SLC45A4: variants seen among roughly 807,000 people sequenced by gnomAD.
SLC45A4 encodes the protein solute carrier family 45 member 4.
Under a neutral mutation model 63.7 loss-of-function variants are expected in SLC45A4, and 32 were observed. The observed-to-expected ratio is 0.50, with a 90% confidence interval of 0.38 to 0.67. The LOEUF (loss-of-function observed/expected upper bound fraction) is 0.67, where lower values mean the gene tolerates loss of function less well. Among genes scored for constraint, SLC45A4 ranks in the 30% least tolerant of loss-of-function variants. SLC45A4 has a pLI of 0.00. For missense variants in SLC45A4, 1,027 were observed against 1,157.7 expected, an observed-to-expected ratio of 0.89 and a Z score of 1.64; for synonymous variants, 535 against 510.0, an observed-to-expected ratio of 1.05 and a Z score of -0.66.
chr8:141,248,683 T>C (rs376753289), intron 2 of SLC45A4, among the ~76,000 whole-genome samples: 10 of 151,880 alleles, frequency 6.6e-5, no homozygotes, highest in East Asian at 3.9e-4. Context: ...CTGGGTGACA[T>C]AGCAAAACCT....
intron 1 of SLC45A4, among the ~76,000 whole-genome samples, chr8:141,295,909 G>A (rs1313805933): frequency 6.6e-6 from 1 of 152,228 alleles, no homozygotes. Flanking sequence ...TGGAGCCCTT[G>A]CCCCTCTGGC....
At chr8:141,285,355 A>G (rs1563674022) in intron 1 of SLC45A4, among the ~76,000 whole-genome samples, 1 of 152,218 alleles carries the variant, frequency 6.6e-6, no homozygotes, top group Non-Finnish European at 1.5e-5. Flanking sequence ...CCTACGTTGG[A>G]AGATAGGTGG....
rs1828761497 is a variant in SLC45A4 at position 141,256,043 on chromosome 8, C to T, written c.-400-1414G>A. Among the ~76,000 whole-genome samples, 1 of 152,178 alleles carries T rather than the reference C, an allele frequency of 6.6e-6. No individual in the cohort carries two copies. Among genetic ancestry groups the T allele is most frequent in the Admixed American group, 6.5e-5 (1 of 15,282 alleles). On this transcript the variant is annotated intron_variant, in intron 1 of 8. Transcript: ENST00000517878. The surrounding 1 kb of genome is among the most constrained non-coding windows in gnomAD (Gnocchi z 4.3). ...ATCACCCCAACCCTCGGCTTTCCAC[C>T]ACCCTGCCTCCAGTGACAAACCCAG...
chr8:141,233,077 G>T (rs1411630866), intron 2 of SLC45A4, among the ~76,000 whole-genome samples: 1 of 152,238 alleles, frequency 6.6e-6, no homozygotes, highest in Non-Finnish European at 1.5e-5. Flanking sequence ...AGTGCTAAGT[G>T]CGCGTTAACT....
At chr8:141,258,008 T>C (rs1255018594) in intron 1 of SLC45A4, among the ~76,000 whole-genome samples, 1 of 152,068 alleles carries the variant, frequency 6.6e-6, no homozygotes, top group Non-Finnish European at 1.5e-5. Context: ...TTTCCGGGAT[T>C]TCGGGCCACA....
chr8:141,231,353 A>G (rs1359979913), intron 2 of SLC45A4, among the ~76,000 whole-genome samples: 1 of 152,194 alleles, frequency 6.6e-6, no homozygotes, highest in Non-Finnish European at 1.5e-5. Flanking sequence ...GCCACGCTGC[A>G]AGTTGGTGGG....
intron 2 of SLC45A4, among the ~76,000 whole-genome samples, chr8:141,234,171 T>C (rs1827503328): frequency 6.6e-6 from 1 of 152,156 alleles, no homozygotes; most frequent in Non-Finnish European, 1.5e-5. Context: ...CTAATTCACA[T>C]CTCGTCCCTC....
intron 2 of SLC45A4, among the ~76,000 whole-genome samples, chr8:141,232,145 G>A (rs1676854946): frequency 6.6e-6 from 1 of 152,226 alleles, no homozygotes; most frequent in East Asian, 1.9e-4. Context: ...TATATCATCT[G>A]CCTAAGCTCA....
chr8:141,212,836 T>C (rs907863948), intron 7 of SLC45A4, among the ~76,000 whole-genome samples: 1 of 152,072 alleles, frequency 6.6e-6, no homozygotes, highest in Non-Finnish European at 1.5e-5. Context: ...TGGCCTCCAG[T>C]CTCAAGGAGA....
At chr8:141,275,182 A>G (rs1249194879) in intron 1 of SLC45A4, among the ~76,000 whole-genome samples, 1 of 152,216 alleles carries the variant, frequency 6.6e-6, no homozygotes, top group African/African-American at 2.4e-5. Context: ...GAGGAAAGTC[A>G]GTCTATAGTT....
intron 1 of SLC45A4, among the ~76,000 whole-genome samples, chr8:141,291,954 A>C (rs1247923891): frequency 6.6e-6 from 1 of 152,256 alleles, no homozygotes; most frequent in Non-Finnish European, 1.5e-5. Flanking sequence ...TTAGGTTCAA[A>C]GAAGCGGCTG....
chr8:141,252,038 G>GT (rs1487707906), intron 2 of SLC45A4, among the ~76,000 whole-genome samples: 1 of 147,670 alleles, frequency 6.8e-6, no homozygotes, highest in Non-Finnish European at 1.5e-5. Context: ...TATTATGTTT[G>GT]TATCAACAAA....
chr8:141,263,200 G>A (rs1458916209), intron 1 of SLC45A4, among the ~76,000 whole-genome samples: 16 of 123,700 alleles, frequency 1.3e-4, no homozygotes, highest in East Asian at 5.5e-4. Context: ...ACCGTCACAC[G>A]CCGGGGACTG....
Position 141,254,843 on chromosome 8 carries a change from A to G in SLC45A4, c.-400-214T>C. ...CTCATACGAAAGTGAATCCTGGGGAAGGACAAAGGTGGGGCAATCAAGGAA... is the reference window on the plus strand; with the variant it reads ...CTCATACGAAAGTGAATCCTGGGGAGGGACAAAGGTGGGGCAATCAAGGAA... On this transcript the variant is annotated intron_variant, in intron 1 of 8. Transcript: ENST00000517878. This position sits in a 1 kb window ranked among gnomAD's most constrained non-coding sequence, Gnocchi z 4.5. The G allele has an allele frequency of 2.1e-6, 1 of 466,240 alleles. No homozygotes were observed. Among genetic ancestry groups the G allele is most frequent in the Admixed American group, 2.8e-5 (1 of 36,088 alleles). The allele number at this position is 466,240 out of a possible 1,614,324, so 28.9% of individuals were successfully genotyped here. A position where few individuals can be genotyped will look rare whatever the true frequency, so the allele number is the denominator to read the frequency against.
At chr8:141,244,593 A>G (rs1245346972) in intron 2 of SLC45A4, among the ~76,000 whole-genome samples, 1 of 152,156 alleles carries the variant, frequency 6.6e-6, no homozygotes, top group Non-Finnish European at 1.5e-5. Context: ...AGAGATGCAC[A>G]CACTGTGGAG....
At chr8:141,217,335 A>G in intron 5 of SLC45A4, 146 bp from the exon 6 acceptor site, 1 of 776,044 alleles carries the variant, frequency 1.3e-6, no homozygotes, top group South Asian at 1.8e-5. Context: ...GCCCAGCCCA[A>G]GTCGGTTGCT....
At chr8:141,286,253 C>T (rs1045379266) in intron 1 of SLC45A4, among the ~76,000 whole-genome samples, 1 of 152,200 alleles carries the variant, frequency 6.6e-6, no homozygotes, top group Admixed American at 6.5e-5. Flanking sequence ...CCTTCCTTCC[C>T]TCGGGAGCTG....
At chr8:141,242,809 T>C (rs1030996570) in intron 2 of SLC45A4, among the ~76,000 whole-genome samples, 5 of 152,024 alleles carry the variant, frequency 3.3e-5, no homozygotes, top group Non-Finnish European at 7.4e-5. Context: ...GGGGAGCCCA[T>C]CTACCACCAT....
rs1486914706 is a variant in SLC45A4, at chr8:141,211,057, T to C, written c.*515A>G. 2.3e-5 allele frequency: 4 copies of C among 173,412 alleles called. No homozygotes were observed. The highest frequency in any genetic ancestry group is 2.4e-5 in the Non-Finnish European group (2 of 82,174). The allele number at this position is 173,412 out of a possible 1,614,324, so 10.7% of individuals were successfully genotyped here. On this transcript the variant is annotated 3_prime_UTR_variant, in exon 9 of 9. Coordinates refer to ENST00000517878, the MANE Select transcript of SLC45A4 (RefSeq NM_001286646.2). ...AGCAGGTGAGCAGGCGAGGAAGGCA[T>C]GGAGTTCCGACAGGTTCCAGCACGC...
Sources: allele counts gnomAD v4.1 joint callset (sites outside exome capture counted in the v4.1 genomes callset), GRCh38; gene constraint gnomAD v4.1.1; non-coding constraint Gnocchi (gnomAD v3.1); transcripts MANE v1.5; gene names NCBI Gene and HGNC (gene_info 2026-07-23, HGNC 2026-07-21).